FILIP1L: variants seen among roughly 807,000 people sequenced by gnomAD.
FILIP1L encodes the protein filamin A interacting protein 1 like.
In FILIP1L, 55 loss-of-function variants were observed where a neutral mutation model predicts 96.6. The ratio of observed to expected loss-of-function variants is 0.57; its 90% confidence interval spans 0.46 to 0.71. The LOEUF is 0.71. Among genes scored for constraint, FILIP1L ranks in the 30% least tolerant of loss-of-function variants. The pLI is 0.00. For missense variants in FILIP1L, 1,304 were observed against 1,321.2 expected, an observed-to-expected ratio of 0.99 and a Z score of 0.20; for synonymous variants, 467 against 473.9, an observed-to-expected ratio of 0.99 and a Z score of 0.19.
chr3:100,095,605 T>C (rs555352636), intron 1 of FILIP1L, among the ~76,000 whole-genome samples: 1 of 152,152 alleles, frequency 6.6e-6, no homozygotes, highest in East Asian at 1.9e-4. Context: ...TCTTGCCTAA[T>C]ACAAAAATTA....
At chr3:99,855,475 A>G (rs944234590) in intron 4 of FILIP1L, among the ~76,000 whole-genome samples, 49 of 152,276 alleles carry the variant, frequency 3.2e-4, no homozygotes, top group African/African-American at 1.2e-3. Flanking sequence ...TCTAATTCTC[A>G]TGACAAATTT....
chr3:99,912,961 T>C (rs192623694), intron 4 of FILIP1L, among the ~76,000 whole-genome samples: 7 of 152,284 alleles, frequency 4.6e-5, no homozygotes, highest in Admixed American at 6.5e-5. Flanking sequence ...CCCAATGTGA[T>C]GGTATTAGGA....
At chr3:100,087,647 C>G (rs1203585553) in intron 1 of FILIP1L, among the ~76,000 whole-genome samples, 2 of 151,870 alleles carry the variant, frequency 1.3e-5, no homozygotes, top group African/African-American at 4.8e-5. Context: ...AGATATATAA[C>G]TTGCGAGTTT....
At chr3:100,018,061 G>T (rs1274223790) in intron 1 of FILIP1L, among the ~76,000 whole-genome samples, 1 of 152,178 alleles carries the variant, frequency 6.6e-6, no homozygotes, top group African/African-American at 2.4e-5. Flanking sequence ...AGGTCCAGGG[G>T]CTCACGCCTG....
intron 1 of FILIP1L, among the ~76,000 whole-genome samples, chr3:100,019,927 T>C (rs2064777223): frequency 6.6e-6 from 1 of 152,154 alleles, no homozygotes; most frequent in African/African-American, 2.4e-5. Context: ...AGAATGAGAT[T>C]GAGGGCAGGG....
rs933349817 is a variant in FILIP1L, at chr3:99,929,930, C to T, written c.352G>A (p.Ala118Thr). 5 of 1,613,932 alleles carry T rather than the reference C, an allele frequency of 3.1e-6. No homozygotes were observed. The African/African-American group carries it at 6.7e-5, about 22-fold the overall frequency. Residue 118 changes from alanine to threonine, a missense_variant, in exon 3 of 6, where the codon GCT becomes ACT. Transcript: ENST00000477258. ...GCTTGAAAAGCATCTCTCTGGAGAG[C>T]CTCTAACACCTTTTTTGGAGTGACA... ...GFVTPKKVLE[A>T]LQRDAFQAKS...
chr3:100,105,419 GCAATTCGTATCTAA>G, intron 1 of FILIP1L, among the ~76,000 whole-genome samples: 1 of 152,232 alleles, frequency 6.6e-6, no homozygotes, highest in South Asian at 2.1e-4. Context: ...TGAATCAACT[GCAATTCGTATCTAA>G]CAATTTCATA....
At chr3:100,101,958 T>A (rs1385019750) in intron 1 of FILIP1L, among the ~76,000 whole-genome samples, 2 of 152,186 alleles carry the variant, frequency 1.3e-5, no homozygotes, top group Non-Finnish European at 2.9e-5. Flanking sequence ...ACTCATCATT[T>A]TTTATGGCTG....
chr3:99,841,722 A>G (rs1943140926), intron 5 of FILIP1L, among the ~76,000 whole-genome samples: 1 of 152,232 alleles, frequency 6.6e-6, no homozygotes, highest in Non-Finnish European at 1.5e-5. Flanking sequence ...GCAAACACAC[A>G]TATAAAAAAA....
At chr3:99,908,806 C>T (rs1706701763) in intron 4 of FILIP1L, among the ~76,000 whole-genome samples, 1 of 151,852 alleles carries the variant, frequency 6.6e-6, no homozygotes, top group Non-Finnish European at 1.5e-5. Context: ...TACAAGAGAC[C>T]TTTCTTTGTA....
intron 4 of FILIP1L, among the ~76,000 whole-genome samples, chr3:99,861,333 T>C (rs1022323424): frequency 2.2e-4 from 33 of 152,138 alleles, no homozygotes; most frequent in African/African-American, 7.7e-4. Flanking sequence ...CTGGCTGCCC[T>C]GTCCCTCTAG....
At chr3:100,023,492 G>A (rs1267479174) in intron 1 of FILIP1L, 8 of 152,672 alleles carry the variant, frequency 5.2e-5, no homozygotes, top group Middle Eastern at 3.4e-3. Flanking sequence ...GAAATGCTCC[G>A]AGTCTATAAT....
chr3:100,104,379 TCTGAG>T (rs2066359458), intron 1 of FILIP1L, among the ~76,000 whole-genome samples: 1 of 152,216 alleles, frequency 6.6e-6, no homozygotes, highest in South Asian at 2.1e-4. Context: ...ATTCAATAAC[TCTGAG>T]CTACACTTTT....
chr3:99,944,634 C>T (rs1707954107), intron 1 of FILIP1L, among the ~76,000 whole-genome samples: 1 of 152,206 alleles, frequency 6.6e-6, no homozygotes, highest in Admixed American at 6.6e-5. Flanking sequence ...TGCCCCAAGC[C>T]ACAGAACTGG....
At chr3:100,016,389 C>G (rs1710340983) in intron 1 of FILIP1L, among the ~76,000 whole-genome samples, 9 of 152,160 alleles carry the variant, frequency 5.9e-5, no homozygotes, top group Admixed American at 5.9e-4. Context: ...CAGGGTATCT[C>G]CATGTTGGTC....
intron 5 of FILIP1L, among the ~76,000 whole-genome samples, chr3:99,837,892 G>T (rs1295679676): frequency 6.6e-6 from 1 of 152,172 alleles, no homozygotes; most frequent in Non-Finnish European, 1.5e-5. Flanking sequence ...TTGATCCCTT[G>T]ATTGCCTTTT....
chr3:100,019,375 T>A (rs34996634), intron 1 of FILIP1L, among the ~76,000 whole-genome samples: 24,426 of 151,886 alleles, frequency 0.16, 2,331 homozygotes, highest in South Asian at 0.21. Context: ...AAAATATGAA[T>A]TGACAGGAGA....
chr3:99,893,466 G>C (rs1269347161), intron 4 of FILIP1L, among the ~76,000 whole-genome samples: 1 of 152,050 alleles, frequency 6.6e-6, no homozygotes. Flanking sequence ...CGCCCAGCCG[G>C]CATCTAGACA....
intron 1 of FILIP1L, among the ~76,000 whole-genome samples, chr3:99,942,015 G>C (rs1294030924): frequency 6.6e-6 from 1 of 152,120 alleles, no homozygotes; most frequent in Non-Finnish European, 1.5e-5. Context: ...AGGAGATCTA[G>C]ACCATCCTGG....
Sources: gnomAD v4.1 joint callset for allele counts (sites outside exome capture counted in the v4.1 genomes callset) on GRCh38, gnomAD v4.1.1 for gene constraint, MANE v1.5 for transcripts, NCBI Gene and HGNC (gene_info 2026-07-23, HGNC 2026-07-21) for gene names.